The following SLC13A3 variants were observed in gnomAD, a reference collection of about 807,000 sequenced individuals.
SLC13A3 encodes solute carrier family 13 member 3.
A neutral mutation model predicts 59.0 loss-of-function variants in SLC13A3; 40 were observed. The ratio of observed to expected loss-of-function variants is 0.68; its 90% CI spans 0.53 to 0.88. SLC13A3 has a LOEUF of 0.88. Ranked by LOEUF, SLC13A3 falls within the 40% of genes least tolerant of loss-of-function variation. The pLI, the probability that SLC13A3 is intolerant of heterozygous loss-of-function variation, is 0.00. For synonymous variants in SLC13A3, 317 were observed against 330.3 expected, an observed-to-expected ratio of 0.96 and a Z score of 0.44; for missense variants, 699 against 783.2, an observed-to-expected ratio of 0.89 and a Z score of 1.28.
intron 1 of SLC13A3, among the ~76,000 whole-genome samples, chr20:46,614,188 C>G (rs2062532554): frequency 6.6e-6 from 1 of 151,938 alleles, no homozygotes; most frequent in East Asian, 1.9e-4. Context: ...CTGATGGGGA[C>G]AGGGCAGACC....
intron 3 of SLC13A3, among the ~76,000 whole-genome samples, chr20:46,605,577 G>T (rs1306903054): frequency 6.6e-6 from 1 of 152,190 alleles, no homozygotes; most frequent in African/African-American, 2.4e-5. Flanking sequence ...GCTATGCAAA[G>T]TTTATTACCT....
intron 1 of SLC13A3, among the ~76,000 whole-genome samples, chr20:46,675,542 G>A (rs1425923049): frequency 3.3e-5 from 5 of 149,888 alleles, no homozygotes; most frequent in African/African-American, 1.2e-4. Flanking sequence ...AACCATGCCC[G>A]GCCCCTTTTT....
intron 1 of SLC13A3, among the ~76,000 whole-genome samples, chr20:46,635,014 C>G (rs1568949047): frequency 6.6e-6 from 1 of 152,154 alleles, no homozygotes; most frequent in African/African-American, 2.4e-5. Context: ...CCCGAAGGCA[C>G]TGGGGTGGGA....
chr20:46,578,315 G>A (rs1320636850), intron 9 of SLC13A3, among the ~76,000 whole-genome samples: 2 of 152,222 alleles, frequency 1.3e-5, no homozygotes, highest in East Asian at 3.9e-4. Flanking sequence ...TACAGAAATG[G>A]TCAAAACAGA....
intron 1 of SLC13A3, among the ~76,000 whole-genome samples, chr20:46,632,465 GAA>G (rs754161406): frequency 2.7e-4 from 33 of 121,840 alleles, no homozygotes; most frequent in East Asian, 7.8e-4. Flanking sequence ...CCCCAAGGGG[GAA>G]AAAAAAAAAA....
chr20:46,626,683 C>G (rs1397783571), intron 1 of SLC13A3, among the ~76,000 whole-genome samples: 1 of 152,196 alleles, frequency 6.6e-6, no homozygotes, highest in Non-Finnish European at 1.5e-5. Context: ...GCTGCTGCCC[C>G]TCATCCCCTG....
At chr20:46,648,562 G>A (rs900805369) in intron 1 of SLC13A3, among the ~76,000 whole-genome samples, 1 of 152,052 alleles carries the variant, frequency 6.6e-6, no homozygotes, top group African/African-American at 2.4e-5. Context: ...GGAACTGTAG[G>A]GAACAAAGGG....
intron 1 of SLC13A3, among the ~76,000 whole-genome samples, chr20:46,629,588 A>G (rs1440647005): frequency 6.6e-6 from 1 of 150,538 alleles, no homozygotes; most frequent in African/African-American, 2.4e-5. Flanking sequence ...TTACTTTTCC[A>G]CTTCATTTTG....
chr20:46,576,159 G>A (rs1041416473), intron 9 of SLC13A3, among the ~76,000 whole-genome samples: 2 of 151,982 alleles, frequency 1.3e-5, no homozygotes, highest in Non-Finnish European at 2.9e-5. Context: ...GACAGTGGGC[G>A]GGGGAGTCAA....
intron 1 of SLC13A3, among the ~76,000 whole-genome samples, chr20:46,656,834 A>C (rs2062997436): frequency 6.6e-6 from 1 of 152,004 alleles, no homozygotes. Context: ...TGTTGTTCAC[A>C]GTGGGTAATT....
intron 8 of SLC13A3, chr20:46,585,550 C>A: frequency 1.9e-6 from 2 of 1,040,866 alleles, no homozygotes; most frequent in Non-Finnish European, 2.3e-6. Flanking sequence ...AAAATGCACC[C>A]ATTTTAAGGG....
chr20:46,613,863 C>T (rs970919266), intron 1 of SLC13A3, 138 bp from the exon 2 acceptor site: 11 of 728,634 alleles, frequency 1.5e-5, no homozygotes, highest in Non-Finnish European at 2.4e-5. Context: ...AGGGCCTGCC[C>T]CGGCTTGTTC....
intron 6 of SLC13A3, among the ~76,000 whole-genome samples, chr20:46,591,935 G>A (rs2062262023): frequency 6.6e-6 from 1 of 152,092 alleles, no homozygotes; most frequent in African/African-American, 2.4e-5. Flanking sequence ...GGCTAGCACG[G>A]TGGCTCACAC....
chr20:46,674,599 G>A (rs954660602), upstream of SLC13A3, among the ~76,000 whole-genome samples: 1,749 of 99,422 alleles, frequency 0.018, 36 homozygotes, highest in African/African-American at 0.056. Context: ...GCGCGCGCGC[G>A]CGCGCGTGTG....
At chr20:46,604,180 C>T (rs766376338) in intron 3 of SLC13A3, among the ~76,000 whole-genome samples, 17 of 152,046 alleles carry the variant, frequency 1.1e-4, no homozygotes, top group Non-Finnish European at 2.4e-4. Flanking sequence ...CTCAAAATCC[C>T]AACATCCCCC....
intron 1 of SLC13A3, among the ~76,000 whole-genome samples, chr20:46,660,725 T>G (rs1053471047): frequency 6.6e-6 from 1 of 152,190 alleles, no homozygotes; most frequent in Non-Finnish European, 1.5e-5. Flanking sequence ...AAATACCTCT[T>G]TTGCCCCATT....
intron 6 of SLC13A3, among the ~76,000 whole-genome samples, chr20:46,591,720 C>T (rs2062259696): frequency 6.6e-6 from 1 of 152,154 alleles, no homozygotes; most frequent in South Asian, 2.1e-4. Flanking sequence ...CATGCCACCC[C>T]AAATTATCTT....
chr20:46,632,526 G>A (rs958382942), intron 1 of SLC13A3, among the ~76,000 whole-genome samples: 43 of 152,096 alleles, frequency 2.8e-4, no homozygotes, highest in African/African-American at 9.2e-4. Context: ...CTGGGACCTG[G>A]GGGTTATAAT....
chr20:46,605,102 G>T lies in SLC13A3; in HGVS notation c.542-5065C>A, dbSNP rs547386061. Among the ~76,000 whole-genome samples the T allele has an allele frequency of 3.9e-5, 6 of 152,320 alleles. No homozygotes were observed. In the South Asian group the frequency reaches 1.2e-3, roughly 32 times the overall value. On this transcript the variant is annotated intron_variant, in intron 3 of 12. Transcript: ENST00000279027. ...GAAGAGCCCTGATAAGAGATTGTAT[G>T]TGCTATAAATAAGGCAGTGAAGGGT... is the stretch of plus-strand genomic sequence containing the variant.
Sources: allele counts gnomAD v4.1 joint callset (sites outside exome capture counted in the v4.1 genomes callset), GRCh38; gene constraint gnomAD v4.1.1; transcripts MANE v1.5; gene names NCBI Gene and HGNC (gene_info 2026-07-23, HGNC 2026-07-21).